Variants in CTIF observed in about 807,000 individuals in gnomAD.
The protein encoded by CTIF is cap binding complex dependent translation initiation factor, also known as CBP80/20-dependent translation initiation factor.
Under a neutral mutation model 66.0 loss-of-function variants are expected in CTIF, and 21 were observed. The ratio of observed to expected loss-of-function variants is 0.32; its 90% confidence interval spans 0.23 to 0.46. The LOEUF is 0.46. Ranked by LOEUF, CTIF falls within the 20% of genes least tolerant of loss-of-function variation. The probability of loss-of-function intolerance (pLI) is 1.00; values close to 1 mark genes in which losing one functional copy is unlikely to be tolerated. For synonymous variants in CTIF, 345 were observed against 326.4 expected (o/e 1.06, Z -0.62); for missense variants, 739 against 812.7 (o/e 0.91, Z 1.10).
At chr18:48,570,163 A>G (rs932249073) in intron 1 of CTIF, among the ~76,000 whole-genome samples, 1 of 152,180 alleles carries the variant, frequency 6.6e-6, no homozygotes, top group African/African-American at 2.4e-5. Context: ...CCACTCCCAG[A>G]GCTGTGGAGA....
chr18:48,732,007 C>T (rs768342240), intron 7 of CTIF, among the ~76,000 whole-genome samples: 4 of 152,234 alleles, frequency 2.6e-5, no homozygotes, highest in African/African-American at 4.8e-5. Context: ...TCCATTCGGC[C>T]CACAGGCCAC....
intron 10 of CTIF, among the ~76,000 whole-genome samples, chr18:48,850,869 G>A (rs540709017): frequency 2.0e-5 from 3 of 152,358 alleles, no homozygotes; most frequent in Admixed American, 2.0e-4. Flanking sequence ...CAACCAAGCA[G>A]GTGTGTGTGG....
chr18:48,778,941 C>T (rs1304047130), intron 9 of CTIF, among the ~76,000 whole-genome samples: 1 of 152,192 alleles, frequency 6.6e-6, no homozygotes, highest in African/African-American at 2.4e-5. Flanking sequence ...GCTGTTTCAG[C>T]CCTGACTGAG....
At chr18:48,813,744 A>G (rs937106298) in intron 9 of CTIF, among the ~76,000 whole-genome samples, 3 of 152,218 alleles carry the variant, frequency 2.0e-5, no homozygotes, top group Non-Finnish European at 2.9e-5. Flanking sequence ...GATGCAATCT[A>G]TTTTTTAAAA....
chr18:48,692,312 C>CA lies in CTIF; in HGVS notation c.508-19302dup, dbSNP rs200348721. Among the ~76,000 whole-genome samples the CA allele has an allele frequency of 7.4e-4, 96 of 128,884 alleles. 1 individual carries two copies. In the East Asian group the frequency reaches 0.014, roughly 19 times the overall value. The allele number at this position is 128,884 out of a possible 152,430, so 84.6% of individuals were successfully genotyped here. A position where few individuals can be genotyped will look rare whatever the true frequency, so the allele number is the denominator to read the frequency against. ...TTCATGGGCCACAAAAAAACAAAAA[C>CA]AAAAACAAAACAAAAAACAAAAAAC... On this transcript the variant is annotated intron_variant, in intron 6 of 11. Coordinates refer to ENST00000256413, the MANE Select transcript of CTIF (RefSeq NM_014772.3).
intron 3 of CTIF, among the ~76,000 whole-genome samples, chr18:48,658,476 T>A (rs1030103100): frequency 1.3e-5 from 2 of 152,040 alleles, no homozygotes; most frequent in African/African-American, 2.4e-5. Flanking sequence ...GTATATTGTA[T>A]AAGTGTGGTA....
chr18:48,791,364 T>G (rs2067788569), intron 9 of CTIF, among the ~76,000 whole-genome samples: 1 of 152,268 alleles, frequency 6.6e-6, no homozygotes, highest in Non-Finnish European at 1.5e-5. Flanking sequence ...TCACTTCATT[T>G]TCTTTTTTCA....
chr18:48,746,563 G>A (rs1260630809), intron 7 of CTIF, among the ~76,000 whole-genome samples: 7 of 151,706 alleles, frequency 4.6e-5, no homozygotes, highest in Admixed American at 4.6e-4. Context: ...CTGGCCAGGA[G>A]GAGTCAGGAA....
intron 3 of CTIF, among the ~76,000 whole-genome samples, chr18:48,655,197 C>T (rs1176525420): frequency 6.7e-6 from 1 of 150,134 alleles, no homozygotes; most frequent in African/African-American, 2.5e-5. Flanking sequence ...CCCAGCAACT[C>T]GGGAGGTTGA....
intron 2 of CTIF, among the ~76,000 whole-genome samples, chr18:48,634,784 C>A (rs1208223792): frequency 2.0e-5 from 3 of 152,214 alleles, no homozygotes; most frequent in African/African-American, 7.2e-5. Flanking sequence ...TGCCACTTCT[C>A]TAGGGCTCCA....
At chr18:48,727,579 A>G (rs1371662908) in intron 7 of CTIF, among the ~76,000 whole-genome samples, 5 of 152,058 alleles carry the variant, frequency 3.3e-5, no homozygotes, top group African/African-American at 4.8e-5. Flanking sequence ...CTGTGATCCT[A>G]TTGAGTCTGT....
chr18:48,674,888 T>C (rs1323513078), intron 6 of CTIF, among the ~76,000 whole-genome samples: 1 of 152,210 alleles, frequency 6.6e-6, no homozygotes, highest in Admixed American at 6.5e-5. Context: ...CTTCCCACAC[T>C]GGTGGCTGGA....
chr18:48,857,018 T>A (rs190431794), intron 10 of CTIF, among the ~76,000 whole-genome samples: 5 of 152,338 alleles, frequency 3.3e-5, no homozygotes, highest in East Asian at 1.9e-4. Context: ...AGCCCAGCCA[T>A]GGCCCTAGTT....
At chr18:48,698,143 C>CAAAAAAAAAAA (rs1388784042) in intron 6 of CTIF, among the ~76,000 whole-genome samples, 3 of 50,160 alleles carry the variant, frequency 6.0e-5, no homozygotes, top group Non-Finnish European at 1.2e-4. Context: ...AAAAAAAAAG[C>CAAAAAAAAAAA]AAACTCCCCT....
chr18:48,703,763 TCCACCA>T (rs556233431), intron 6 of CTIF, among the ~76,000 whole-genome samples: 2 of 152,036 alleles, frequency 1.3e-5, no homozygotes, highest in Non-Finnish European at 2.9e-5. Flanking sequence ...GGACTCCCCC[TCCACCA>T]CCACCACCAC....
At chr18:48,664,371 G>C in intron 4 of CTIF, 76 bp from the exon 5 acceptor site, 2 of 1,313,608 alleles carry the variant, frequency 1.5e-6, no homozygotes, top group East Asian at 2.3e-5. Context: ...GCCAGGTTCA[G>C]CCTGGCCCCC....
At chr18:48,571,391 C>T (rs993202817) in intron 1 of CTIF, among the ~76,000 whole-genome samples, 2 of 152,278 alleles carry the variant, frequency 1.3e-5, no homozygotes, top group East Asian at 3.9e-4. Context: ...CCCCTGACCT[C>T]GTGATCCACC....
intron 1 of CTIF, among the ~76,000 whole-genome samples, chr18:48,586,534 G>GT (rs1568051547): frequency 6.6e-6 from 1 of 151,900 alleles, no homozygotes; most frequent in East Asian, 1.9e-4. Context: ...GCCTCCCAAA[G>GT]TGCTGGGATT....
chr18:48,617,522 T>A (rs566239461), intron 1 of CTIF, among the ~76,000 whole-genome samples: 11 of 152,146 alleles, frequency 7.2e-5, no homozygotes, highest in Non-Finnish European at 1.6e-4. Flanking sequence ...AGGAGCAGAG[T>A]AGCCAGGGGC....
Sources: gnomAD v4.1 joint callset for allele counts (sites outside exome capture counted in the v4.1 genomes callset) on GRCh38, gnomAD v4.1.1 for gene constraint, MANE v1.5 for transcripts, NCBI Gene and HGNC (gene_info 2026-07-23, HGNC 2026-07-21) for gene names.